The following ATF1 variants were observed in gnomAD, a reference collection of about 807,000 sequenced individuals.
The protein encoded by ATF1 is cyclic AMP-dependent transcription factor ATF-1.
Under a neutral mutation model 34.7 loss-of-function variants are expected in ATF1, and 16 were observed. The ratio of observed to expected loss-of-function variants is 0.46; its 90% CI spans 0.31 to 0.70. The LOEUF is 0.70. ATF1 is among the 30% of genes least tolerant of loss of function. ATF1 has a pLI of 0.05. For missense variants in ATF1, 255 were observed against 321.6 expected, an observed-to-expected ratio of 0.79 and a Z score of 1.58; for synonymous variants, 105 against 113.1, an observed-to-expected ratio of 0.93 and a Z score of 0.46.
chr12:50,769,046 C>G (rs775854098), intron 1 of ATF1, among the ~76,000 whole-genome samples: 1 of 152,094 alleles, frequency 6.6e-6, no homozygotes, highest in Non-Finnish European at 1.5e-5. Flanking sequence ...GGGTTTTCAC[C>G]AAAAGTAAAA....
chr12:50,780,436 C>T (rs1298284555), intron 2 of ATF1, among the ~76,000 whole-genome samples, 198 bp downstream of exon 2: 2 of 151,706 alleles, frequency 1.3e-5, no homozygotes, highest in Non-Finnish European at 2.9e-5. Flanking sequence ...CCTCCACCTC[C>T]TGGGTTCAAA....
chr12:50,792,136 C>T (rs1381659462), intron 2 of ATF1, among the ~76,000 whole-genome samples: 1 of 152,082 alleles, frequency 6.6e-6, no homozygotes, highest in East Asian at 1.9e-4. Context: ...ATTCAAAACC[C>T]AGATGAAATA....
At chr12:50,769,007 A>C (rs981894601) in intron 1 of ATF1, among the ~76,000 whole-genome samples, 1 of 152,220 alleles carries the variant, frequency 6.6e-6, no homozygotes, top group South Asian at 2.1e-4. Flanking sequence ...CTCCACACCT[A>C]GTACATAATT....
chr12:50,767,839 C>G (rs1368229791), intron 1 of ATF1, among the ~76,000 whole-genome samples: 2 of 151,892 alleles, frequency 1.3e-5, no homozygotes, highest in Non-Finnish European at 2.9e-5. Flanking sequence ...AGAGACTGCC[C>G]TGTGCTGTAG....
chr12:50,799,930 G>GA (rs1274033690), intron 3 of ATF1, among the ~76,000 whole-genome samples: 4 of 152,178 alleles, frequency 2.6e-5, no homozygotes, highest in Non-Finnish European at 5.9e-5. Context: ...GTATAGCGCA[G>GA]AAAAAATACT....
chr12:50,808,906 A>AT (rs1246305959), intron 3 of ATF1, among the ~76,000 whole-genome samples: 4 of 151,574 alleles, frequency 2.6e-5, no homozygotes, highest in Non-Finnish European at 5.9e-5. Flanking sequence ...TGCCCAGCTA[A>AT]TTTTTGTATT....
chr12:50,770,907 C>T (rs1310761257), intron 1 of ATF1, among the ~76,000 whole-genome samples: 1 of 152,208 alleles, frequency 6.6e-6, no homozygotes, highest in Non-Finnish European at 1.5e-5. Flanking sequence ...CAGCTAACAA[C>T]CCGATATCAG....
intron 1 of ATF1, among the ~76,000 whole-genome samples, chr12:50,772,415 C>T (rs188305509): frequency 1.3e-4 from 19 of 150,726 alleles, no homozygotes; most frequent in African/African-American, 4.1e-4. Context: ...CAACCTACGC[C>T]TCCTGGATTT....
chr12:50,804,281 T>C (rs1227302378), intron 3 of ATF1, among the ~76,000 whole-genome samples: 1 of 151,982 alleles, frequency 6.6e-6, no homozygotes, highest in Non-Finnish European at 1.5e-5. Flanking sequence ...GACTTCAGAA[T>C]AAGGAAAATC....
At chr12:50,775,610 T>C (rs1940900164) in intron 1 of ATF1, 1 of 152,174 alleles carries the variant, frequency 6.6e-6, no homozygotes, top group African/African-American at 2.4e-5. Context: ...TTGTCCAGGA[T>C]GGAGAAGTAG....
intron 3 of ATF1, among the ~76,000 whole-genome samples, chr12:50,801,706 C>G (rs1340094560): frequency 6.6e-6 from 1 of 151,984 alleles, no homozygotes; most frequent in African/African-American, 2.4e-5. Context: ...TTAATAGAAT[C>G]AAAACAAAAA....
chr12:50,763,893 A>C (rs1025175855), upstream of ATF1, among the ~76,000 whole-genome samples: 13 of 152,092 alleles, frequency 8.5e-5, no homozygotes, highest in Admixed American at 2.0e-4. Flanking sequence ...CTGCAGCCTG[A>C]GGAACGCGTT....
intron 6 of ATF1, among the ~76,000 whole-genome samples, chr12:50,816,938 A>C (rs1941855538): frequency 6.6e-6 from 1 of 152,236 alleles, no homozygotes; most frequent in Non-Finnish European, 1.5e-5. Context: ...TAGTAATCAA[A>C]GAAATACACA....
intron 2 of ATF1, chr12:50,788,190 T>G (rs775510125): frequency 2.4e-6 from 1 of 423,292 alleles, no homozygotes; most frequent in South Asian, 1.7e-5. Context: ...AGCCAATCTT[T>G]TTTTTTTTTT....
chr12:50,798,493 T>C (rs1941454024), intron 3 of ATF1, among the ~76,000 whole-genome samples: 1 of 152,004 alleles, frequency 6.6e-6, no homozygotes, highest in African/African-American at 2.4e-5. Flanking sequence ...TATTTTTTAG[T>C]AGAGACGGGG....
At chr12:50,775,852 T>C (rs1940906314) in intron 1 of ATF1, among the ~76,000 whole-genome samples, 1 of 152,196 alleles carries the variant, frequency 6.6e-6, no homozygotes, top group Non-Finnish European at 1.5e-5. Flanking sequence ...TTTTGTCTTT[T>C]CTGTTTTTAT....
chr12:50,814,491 C>A lies in ATF1; in HGVS notation c.671+52C>A, dbSNP rs1941802435. 3.9e-6 allele frequency: 6 copies of A among 1,550,460 alleles called. No homozygotes were observed. In the South Asian group the frequency reaches 4.6e-5, roughly 12 times the overall value. On this transcript the variant is annotated intron_variant, in intron 6 of 6. Coordinates refer to ENST00000262053, the MANE Select transcript of ATF1 (RefSeq NM_005171.5). ...ATGGGTAATGTTTTTACAAATCTCA[C>A]AACATAACCAGATGTTAACTGGAAC... is the stretch of plus-strand genomic sequence containing the variant.
At chr12:50,765,984 A>C (rs1940624609) in intron 1 of ATF1, among the ~76,000 whole-genome samples, 1 of 152,062 alleles carries the variant, frequency 6.6e-6, no homozygotes, top group Non-Finnish European at 1.5e-5. Context: ...TTTCTTCATA[A>C]TGTTACTTTT....
At chr12:50,774,103 C>CT (rs1940851171) in intron 1 of ATF1, among the ~76,000 whole-genome samples, 1 of 152,116 alleles carries the variant, frequency 6.6e-6, no homozygotes, top group Admixed American at 6.6e-5. Flanking sequence ...ACTATCTCAG[C>CT]TCACTGCAAC....
Sources: gnomAD v4.1 joint callset for allele counts (sites outside exome capture counted in the v4.1 genomes callset) on GRCh38, gnomAD v4.1.1 for gene constraint, MANE v1.5 for transcripts, NCBI Gene and HGNC (gene_info 2026-07-23, HGNC 2026-07-21) for gene names.